Variants in NUP98 observed in about 807,000 individuals in gnomAD.
The protein encoded by NUP98 is nuclear pore complex protein Nup98-Nup96.
NUP98 carries 26 observed loss-of-function variants against 191.9 expected under a neutral mutation model. The ratio of observed to expected loss-of-function variants is 0.14; its 90% CI spans 0.10 to 0.19. The LOEUF (loss-of-function observed/expected upper bound fraction) is 0.19. Among genes scored for constraint, NUP98 ranks in the 10% least tolerant of loss-of-function variants. NUP98 has a pLI of 1.00. For missense variants in NUP98, 1,941 were observed against 2,178.8 expected, an observed-to-expected ratio of 0.89 and a Z score of 2.17; for synonymous variants, 808 against 778.4, an observed-to-expected ratio of 1.04 and a Z score of -0.63.
rs1451114537 is a variant in NUP98, at chr11:3,699,262, G to A, written c.3829C>T (p.Arg1277Cys). The change falls in exon 25 of 33, where the codon CGT (arginine) becomes TGT (cysteine). Residue 1277 changes from arginine (R) to cysteine (C), a missense_variant. By Grantham distance (180) the Arg-to-Cys change is radical. This residue lies in a region of NUP98 where 1,030 missense variants were observed against 1,115.8 expected (regional missense o/e 0.92). Transcript: ENST00000324932. ...CGCTCCAGAATTTGAATGTATTCAC[G>A]GGGTTCATTTAGCTGGCTGTCAAGC... Reference protein sequence around the residue: ...KELDSQLNEPREYIQILERRR... With the variant: ...KELDSQLNEPCEYIQILERRR... 30 of 1,614,042 alleles carry A rather than the reference G, an allele frequency of 1.9e-5. No homozygotes were observed. Among genetic ancestry groups the A allele is most frequent in the Admixed American group, 3.3e-5 (2 of 59,988 alleles).
At position 3,723,170 on chromosome 11, in the gene NUP98, A is replaced by G. The variant is rs916410610; in HGVS notation, c.2133T>C (p.His711=). Residue 711 remains histidine, a synonymous_variant, in exon 16 of 33, where the codon CAT becomes CAC. Transcript: ENST00000324932. The part of the protein sequence containing the change: ...DREEIENNSY[H]MHPAGIILTK... ...TCTGAACCTGACCTGCTGGGTGCAT[A>G]TGGTAAGAATTATTTTCTATTTCTT... 1.2e-5 allele frequency: 19 copies of G among 1,614,048 alleles called. No individual in the cohort carries two copies. Among genetic ancestry groups the G allele is most frequent in the Non-Finnish European group, 1.5e-5 (18 of 1,179,930 alleles).
At chr11:3,721,656 A>T (rs903840613) in intron 16 of NUP98, among the ~76,000 whole-genome samples, 1 of 152,038 alleles carries the variant, frequency 6.6e-6, no homozygotes, top group African/African-American at 2.4e-5. Context: ...CTGAGATCAC[A>T]CCACTGCACT....
chr11:3,692,638 G>A (rs1241457235), intron 27 of NUP98, among the ~76,000 whole-genome samples: 1 of 151,922 alleles, frequency 6.6e-6, no homozygotes, highest in Non-Finnish European at 1.5e-5. Flanking sequence ...ATCTATCAGG[G>A]ATTTTAAACA....
intron 1 of NUP98, among the ~76,000 whole-genome samples, chr11:3,782,548 C>T (rs910530087): frequency 6.6e-6 from 1 of 150,988 alleles, no homozygotes; most frequent in African/African-American, 2.4e-5. Flanking sequence ...AGTCTGCTAA[C>T]CCAACCACCT....
intron 9 of NUP98, among the ~76,000 whole-genome samples, chr11:3,761,590 C>A (rs1589904976): frequency 6.6e-6 from 1 of 152,270 alleles, no homozygotes; most frequent in East Asian, 1.9e-4. Flanking sequence ...AAACCCCATT[C>A]TCTACTAAAA....
chr11:3,763,338 G>A (rs985783444), intron 8 of NUP98, among the ~76,000 whole-genome samples: 2 of 152,032 alleles, frequency 1.3e-5, no homozygotes, highest in African/African-American at 4.8e-5. Context: ...AAGGTCTTAG[G>A]CGTCTATTAA....
chr11:3,707,749 A>AAAAAAAAAAAAAAAAAAAAAAAAAAACAC (rs2078903909), intron 20 of NUP98, among the ~76,000 whole-genome samples: 1 of 148,876 alleles, frequency 6.7e-6, no homozygotes, highest in Non-Finnish European at 1.5e-5. Context: ...AAAAAAAAAA[A>AAAAAAAAAAAAAAAAAAAAAAAAAAACAC]AAAAATCCTG....
At chr11:3,701,167 G>T (rs1389217816) in intron 23 of NUP98, among the ~76,000 whole-genome samples, 1 of 151,810 alleles carries the variant, frequency 6.6e-6, no homozygotes. Flanking sequence ...TTATACTTGG[G>T]TATCAAAAGT....
intron 4 of NUP98, among the ~76,000 whole-genome samples, chr11:3,777,348 T>C (rs1476357026): frequency 6.6e-6 from 1 of 152,070 alleles, no homozygotes; most frequent in Non-Finnish European, 1.5e-5. Context: ...TTATGCCAGG[T>C]GCGGTGGCTC....
At position 3,713,869 on chromosome 11, in the gene NUP98, C is replaced by T; in HGVS notation, c.2526G>A (p.Gln842=). Residue 842 remains glutamine (Q), a synonymous_variant, in exon 19 of 33, where the codon CAG becomes CAA. Coordinates refer to ENST00000324932, the MANE Select transcript of NUP98 (RefSeq NM_016320.5). ...EGRLEAVSRK[Q]GAQFKEYRPE... ...GCCGGTATTCTTTGAATTGAGCTCCCTGTTTCCTTGAAACTGCTTCCAATC... is the reference window on the plus strand; with the variant it reads ...GCCGGTATTCTTTGAATTGAGCTCCTTGTTTCCTTGAAACTGCTTCCAATC... 6.2e-7 allele frequency: 1 copy of T among 1,614,168 alleles called. No homozygotes were observed. The highest frequency in any genetic ancestry group is 1.7e-5 in the Admixed American group (1 of 60,016).
At chr11:3,782,229 T>G (rs1554904248) in intron 1 of NUP98, 84 bp from the exon 2 acceptor site, 1 of 720,808 alleles carries the variant, frequency 1.4e-6, no homozygotes, top group Non-Finnish European at 2.3e-6. Context: ...TTCCACAAAC[T>G]TAGGCCTATT....
At chr11:3,702,332 CTCTCTCTCT>C (rs1180296402) in intron 23 of NUP98, 122 bp downstream of exon 23, 13 of 115,580 alleles carry the variant, frequency 1.1e-4, no homozygotes, top group Non-Finnish European at 1.9e-4. Flanking sequence ...CTCTCTCTCT[CTCTCTCTCT>C]CTCTCTCTCT....
chr11:3,679,586 T>C lies in NUP98; in HGVS notation c.5041A>G (p.Arg1681Gly), dbSNP rs61756126. ...TSGLVYLDYIRVIEMLRHIQQ... is the reference protein window; with the variant it reads ...TSGLVYLDYIGVIEMLRHIQQ... Reference sequence around the variant, plus strand: ...ATATGGCGGAGCATTTCAATGACTCTAATATAGTCCAGGTAAACAAGCCCA... The same window carrying C: ...ATATGGCGGAGCATTTCAATGACTCCAATATAGTCCAGGTAAACAAGCCCA... Residue 1681 changes from arginine to glycine, a missense_variant, in exon 31 of 33, where the codon AGA (arginine) becomes GGA (glycine). Arg to Gly is a moderately radical substitution (Grantham distance 125). Coordinates refer to ENST00000324932, the MANE Select transcript of NUP98 (RefSeq NM_016320.5). 1.7e-4 allele frequency: 268 copies of C among 1,614,096 alleles called. No individual in the cohort carries two copies. The highest frequency in any genetic ancestry group is 2.1e-4 in the Non-Finnish European group (246 of 1,180,046).
At chr11:3,687,407 T>C (rs1341978547) in intron 28 of NUP98, among the ~76,000 whole-genome samples, 15 of 152,182 alleles carry the variant, frequency 9.9e-5, no homozygotes, top group Non-Finnish European at 1.9e-4. Context: ...AATTTACCAA[T>C]TTTTTTCTCT....
intron 11 of NUP98, among the ~76,000 whole-genome samples, chr11:3,748,252 A>T (rs961431548): frequency 1.3e-5 from 2 of 152,236 alleles, no homozygotes; most frequent in African/African-American, 2.4e-5. Flanking sequence ...CAGGAGCCAA[A>T]GTAATTCTGA....
chr11:3,734,927 A>G (rs2134304396), intron 13 of NUP98, among the ~76,000 whole-genome samples: 1 of 152,306 alleles, frequency 6.6e-6, no homozygotes, highest in East Asian at 1.9e-4. Context: ...TTAATTAAAA[A>G]TGAGAACATT....
chr11:3,741,174 T>C (rs920343312), intron 12 of NUP98, among the ~76,000 whole-genome samples: 1 of 151,538 alleles, frequency 6.6e-6, no homozygotes, highest in African/African-American at 2.4e-5. Context: ...TAAAGTACTA[T>C]CAAAACAAAA....
intron 29 of NUP98, 98 bp from the exon 30 acceptor site, chr11:3,683,539 G>C (rs1337585661): frequency 8.1e-7 from 1 of 1,230,398 alleles, no homozygotes. Context: ...CTCTTAAACT[G>C]CAGGTCTTTT....
At position 3,699,069 on chromosome 11, in the gene NUP98, A is replaced by G. The variant is rs1229419958; in HGVS notation, c.4009+13T>C. On this transcript the variant is annotated intron_variant, in intron 25 of 32. Coordinates refer to ENST00000324932, the MANE Select transcript of NUP98 (RefSeq NM_016320.5). Reference sequence around the variant, plus strand: ...CGACAGAGGCGCAGAGAAGGACCATATGCCTTCCCCACCTGACTGCTGGGC... The same window carrying G: ...CGACAGAGGCGCAGAGAAGGACCATGTGCCTTCCCCACCTGACTGCTGGGC... The G allele has an allele frequency of 8.1e-6, 13 of 1,611,606 alleles. No individual in the cohort carries two copies. Among genetic ancestry groups the G allele is most frequent in the Non-Finnish European group, 9.3e-6 (11 of 1,179,612 alleles).
Sources: gnomAD v4.1 joint callset for allele counts (sites outside exome capture counted in the v4.1 genomes callset) on GRCh38, gnomAD v4.1.1 for gene constraint, gnomAD v4.1.1 regional missense constraint, MANE v1.5 for transcripts, NCBI Gene and HGNC (gene_info 2026-07-23, HGNC 2026-07-21) for gene names.